Variants in ASB3 observed in about 807,000 individuals in gnomAD.
The protein encoded by ASB3 is ankyrin repeat and SOCS box containing 3.
A neutral mutation model predicts 54.5 loss-of-function variants in ASB3; 41 were observed. The observed-to-expected ratio is 0.75, with a 90% CI of 0.59 to 0.98. ASB3 has a LOEUF of 0.98. Ranked by LOEUF, ASB3 falls within the 50% of genes least tolerant of loss-of-function variation. The pLI, the probability that ASB3 is intolerant of heterozygous loss-of-function variation, is 0.00. For synonymous variants in ASB3, 266 were observed against 221.2 expected (o/e 1.20, Z -1.80); for missense variants, 733 against 620.0 (o/e 1.18, Z -1.94).
intron 9 of ASB3, among the ~76,000 whole-genome samples, chr2:53,678,419 T>C (rs1168659626): frequency 6.6e-6 from 1 of 152,250 alleles, no homozygotes; most frequent in Admixed American, 6.5e-5. Context: ...GGTTCACTTG[T>C]GCTTGCACTT....
At chr2:53,780,554 G>A (rs79031783) in intron 1 of ASB3, among the ~76,000 whole-genome samples, 2,520 of 152,180 alleles carry the variant, frequency 0.017, 73 homozygotes, top group African/African-American at 0.058. Flanking sequence ...CAAAGCAAGG[G>A]GATCACTTGA....
chr2:53,783,914 T>C (rs984066622), intron 1 of ASB3, among the ~76,000 whole-genome samples: 6 of 152,172 alleles, frequency 3.9e-5, no homozygotes, highest in African/African-American at 7.2e-5. Context: ...CATAAAGCAG[T>C]AGACCTAACC....
chr2:53,747,519 C>G (rs756158181), intron 3 of ASB3, among the ~76,000 whole-genome samples: 1 of 152,198 alleles, frequency 6.6e-6, no homozygotes, highest in African/African-American at 2.4e-5. Flanking sequence ...GCACTCCAGG[C>G]TGGACAACGA....
chr2:53,746,427 C>A (rs1263934097), intron 3 of ASB3, among the ~76,000 whole-genome samples: 1 of 151,884 alleles, frequency 6.6e-6, no homozygotes, highest in Non-Finnish European at 1.5e-5. Flanking sequence ...TTTTTCCATA[C>A]ACAACACTGA....
intron 6 of ASB3, among the ~76,000 whole-genome samples, chr2:53,715,641 A>T (rs892915828): frequency 2.6e-5 from 4 of 152,188 alleles, no homozygotes; most frequent in Non-Finnish European, 4.4e-5. Context: ...TATTTTGTTA[A>T]AATAGTCTAA....
At chr2:53,748,739 C>G (rs1011727970) in intron 3 of ASB3, among the ~76,000 whole-genome samples, 3 of 151,948 alleles carry the variant, frequency 2.0e-5, no homozygotes, top group Non-Finnish European at 4.4e-5. Context: ...AAAACTGTTC[C>G]AAATTAAAGG....
At chr2:53,774,599 T>C in intron 1 of ASB3, 1 of 1,131,572 alleles carries the variant, frequency 8.8e-7, no homozygotes. Flanking sequence ...AAAGATCTTA[T>C]TTTTAATGTA....
chr2:53,682,597 C>T (rs1165489565), intron 9 of ASB3, among the ~76,000 whole-genome samples: 1 of 152,112 alleles, frequency 6.6e-6, no homozygotes, highest in Non-Finnish European at 1.5e-5. Context: ...CTGCCTCAAC[C>T]TCTTGAGTAG....
chr2:53,742,993 T>C (rs957762498), intron 3 of ASB3, among the ~76,000 whole-genome samples: 2 of 152,096 alleles, frequency 1.3e-5, no homozygotes, highest in East Asian at 1.9e-4. Flanking sequence ...AAAAGTATTG[T>C]CACAAAAAGA....
At chr2:53,694,378 T>C (rs1278020791) in intron 8 of ASB3, 2 of 166,464 alleles carry the variant, frequency 1.2e-5, no homozygotes, top group Non-Finnish European at 2.6e-5. Context: ...TACAGACATA[T>C]AATTTAATAA....
At chr2:53,744,423 G>C (rs1672116466) in intron 3 of ASB3, among the ~76,000 whole-genome samples, 1 of 151,058 alleles carries the variant, frequency 6.6e-6, no homozygotes, top group Admixed American at 6.6e-5. Flanking sequence ...ATAAAACATA[G>C]GTGTAATATA....
At chr2:53,726,651 T>TATATATACACACAC (rs1272361364) in intron 5 of ASB3, among the ~76,000 whole-genome samples, 1 of 150,948 alleles carries the variant, frequency 6.6e-6, no homozygotes, top group Non-Finnish European at 1.5e-5. Flanking sequence ...TATACACACA[T>TATATATACACACAC]ATATATACAC....
At chr2:53,749,319 T>C (rs917383167) in intron 3 of ASB3, among the ~76,000 whole-genome samples, 1 of 152,036 alleles carries the variant, frequency 6.6e-6, no homozygotes. Flanking sequence ...CAATAGCAAA[T>C]GTTGGCAAGG....
chr2:53,681,622 TC>T (rs746288321), intron 9 of ASB3, among the ~76,000 whole-genome samples: 2 of 152,190 alleles, frequency 1.3e-5, no homozygotes, highest in Admixed American at 6.5e-5. Flanking sequence ...GACTGTCCTT[TC>T]CCCAATGTAT....
chr2:53,675,115 C>T (rs1338947243), intron 9 of ASB3, among the ~76,000 whole-genome samples: 1 of 152,160 alleles, frequency 6.6e-6, no homozygotes, highest in Non-Finnish European at 1.5e-5. Context: ...GGCATAATGA[C>T]ACTTCCCTGC....
chr2:53,766,479 T>A (rs1673463933), intron 1 of ASB3, among the ~76,000 whole-genome samples: 1 of 152,354 alleles, frequency 6.6e-6, no homozygotes, highest in South Asian at 2.1e-4. Context: ...ATGCCCTTAT[T>A]CTTTTTTTTT....
intron 7 of ASB3, among the ~76,000 whole-genome samples, chr2:53,708,628 T>C (rs1474672183): frequency 6.6e-6 from 1 of 152,210 alleles, no homozygotes; most frequent in Non-Finnish European, 1.5e-5. Context: ...ACTGGTTAAA[T>C]GGTTGTCACC....
At chr2:53,706,018 T>C (rs1325680399) in intron 7 of ASB3, among the ~76,000 whole-genome samples, 1 of 152,222 alleles carries the variant, frequency 6.6e-6, no homozygotes, top group Non-Finnish European at 1.5e-5. Context: ...ACTAGGGTTT[T>C]TTTAAGACAA....
chr2:53,716,827 GGGTTTCGTAGCAC>G (rs1670422914), intron 5 of ASB3, 84 bp from the exon 6 acceptor site: 1 of 1,422,688 alleles, frequency 7.0e-7, no homozygotes, highest in Non-Finnish European at 9.3e-7. Flanking sequence ...TACCATAAAA[GGGTTTCGTAGCAC>G]GGTAAGCTTT....
Sources: allele counts gnomAD v4.1 joint callset (sites outside exome capture counted in the v4.1 genomes callset), GRCh38; gene constraint gnomAD v4.1.1; transcripts MANE v1.5; gene names NCBI Gene and HGNC (gene_info 2026-07-23, HGNC 2026-07-21).